Variants in WWOX observed in about 807,000 individuals in gnomAD.
WWOX encodes the protein WW domain-containing oxidoreductase.
WWOX carries 69 observed loss-of-function variants against 46.2 expected under a neutral mutation model. The ratio of observed to expected loss-of-function variants is 1.49; its 90% CI spans 1.23 to 1.82. The LOEUF (loss-of-function observed/expected upper bound fraction) is 1.82, where lower values mean the gene tolerates loss of function less well. Among genes scored for constraint, WWOX ranks in the 40% most tolerant of loss-of-function variants. The pLI is 0.00. For missense variants in WWOX, 919 were observed against 542.6 expected, an observed-to-expected ratio of 1.69 and a Z score of -6.89; for synonymous variants, 359 against 202.6, an observed-to-expected ratio of 1.77 and a Z score of -6.56.
intron 5 of WWOX, among the ~76,000 whole-genome samples, chr16:78,341,527 T>G (rs1489931344): frequency 8.3e-6 from 1 of 120,388 alleles, no homozygotes; most frequent in Non-Finnish European, 2.0e-5. Context: ...TTGGGAAAAT[T>G]TGAGCAGCAA....
At chr16:79,029,514 C>G (rs1876977) in intron 8 of WWOX, among the ~76,000 whole-genome samples, 2 of 152,044 alleles carry the variant, frequency 1.3e-5, no homozygotes, top group African/African-American at 4.8e-5. Context: ...GCAGTGAGGA[C>G]TTTGGAAATG....
At chr16:78,935,967 A>G (rs946744568) in intron 8 of WWOX, among the ~76,000 whole-genome samples, 4 of 152,132 alleles carry the variant, frequency 2.6e-5, no homozygotes, top group African/African-American at 9.7e-5. Context: ...CCAAAAAAAA[A>G]GTTGGAAGGG....
chr16:78,801,694 G>T (rs2050894347), intron 8 of WWOX, among the ~76,000 whole-genome samples: 1 of 152,062 alleles, frequency 6.6e-6, no homozygotes, highest in South Asian at 2.1e-4. Context: ...GTGAGTTGTG[G>T]ATACCTCTTC....
chr16:78,901,642 C>G (rs2044834043), intron 8 of WWOX, among the ~76,000 whole-genome samples: 1 of 152,166 alleles, frequency 6.6e-6, no homozygotes, highest in Admixed American at 6.5e-5. Context: ...CATGGGCCAC[C>G]ACGCTGGGTT....
chr16:78,429,701 C>T (rs2083173273), intron 7 of WWOX, among the ~76,000 whole-genome samples: 1 of 152,142 alleles, frequency 6.6e-6, no homozygotes, highest in Non-Finnish European at 1.5e-5. Context: ...TTGTGTGACA[C>T]CTCTTCTGTA....
chr16:78,575,915 A>G (rs972774958), intron 8 of WWOX, among the ~76,000 whole-genome samples: 8 of 152,196 alleles, frequency 5.3e-5, no homozygotes, highest in African/African-American at 1.9e-4. Context: ...TTTATATAAA[A>G]CATGCTATAT....
intron 8 of WWOX, among the ~76,000 whole-genome samples, chr16:78,884,447 C>CT (rs2044410996): frequency 6.6e-6 from 1 of 152,166 alleles, no homozygotes; most frequent in South Asian, 2.1e-4. Context: ...ACCCAGATAT[C>CT]TATCAGTGGT....
intron 8 of WWOX, among the ~76,000 whole-genome samples, chr16:78,681,628 G>T (rs2047731808): frequency 1.3e-5 from 2 of 152,108 alleles, no homozygotes; most frequent in Non-Finnish European, 2.9e-5. Context: ...ACAGACCGAG[G>T]TTTGAGAGTT....
At chr16:78,697,101 T>C (rs1345897001) in intron 8 of WWOX, among the ~76,000 whole-genome samples, 1 of 152,242 alleles carries the variant, frequency 6.6e-6, no homozygotes, top group South Asian at 2.1e-4. Flanking sequence ...TTTTTGCAAT[T>C]GTGAATTGTT....
rs538483546 is a variant in WWOX at position 78,261,004 on chromosome 16, T to G, written c.516+96715T>G. Among the ~76,000 whole-genome samples, 3 of 151,184 alleles carry G rather than the reference T, an allele frequency of 2.0e-5. No homozygotes were observed. In the South Asian group the frequency reaches 6.2e-4, roughly 31 times the overall value. On this transcript the variant is annotated intron_variant, in intron 5 of 8. Transcript: ENST00000566780. The stretch of plus-strand genomic sequence containing the variant: ...TAAATTACAAGTAATAATGAAAGTA[T>G]GAAATTTTTATTGATTCATAAATAT...
At chr16:79,036,415 CG>C (rs1483231552) in intron 8 of WWOX, among the ~76,000 whole-genome samples, 1 of 152,204 alleles carries the variant, frequency 6.6e-6, no homozygotes, top group African/African-American at 2.4e-5. Flanking sequence ...AATTATTGCC[CG>C]TTGACCTCCA....
At chr16:78,242,403 G>A (rs577426202) in intron 5 of WWOX, among the ~76,000 whole-genome samples, 22 of 152,128 alleles carry the variant, frequency 1.4e-4, no homozygotes, top group Non-Finnish European at 8.8e-5. Flanking sequence ...CAACTTCTCC[G>A]TGTGTGGGCT....
At chr16:78,481,838 C>T (rs1318634504) in intron 8 of WWOX, among the ~76,000 whole-genome samples, 1 of 150,528 alleles carries the variant, frequency 6.6e-6, no homozygotes, top group East Asian at 2.0e-4. Context: ...TAACACATAT[C>T]TATGAACCTT....
At chr16:78,216,289 C>T (rs568799549) in intron 5 of WWOX, among the ~76,000 whole-genome samples, 2 of 152,234 alleles carry the variant, frequency 1.3e-5, no homozygotes, top group East Asian at 1.9e-4. Flanking sequence ...TAAAGTAAAT[C>T]AACACTTTGA....
intron 8 of WWOX, among the ~76,000 whole-genome samples, chr16:78,668,888 C>G (rs1190685994): frequency 6.6e-6 from 1 of 152,140 alleles, no homozygotes; most frequent in Non-Finnish European, 1.5e-5. Context: ...GGCAGGTTCT[C>G]TTCATCGGGC....
chr16:78,530,037 G>A (rs2043582977), intron 8 of WWOX, among the ~76,000 whole-genome samples: 1 of 152,082 alleles, frequency 6.6e-6, no homozygotes, highest in Admixed American at 6.5e-5. Flanking sequence ...GAGGTGAACT[G>A]CACTCACTTG....
chr16:78,341,579 C>T (rs1392968051), intron 5 of WWOX, among the ~76,000 whole-genome samples: 1 of 119,460 alleles, frequency 8.4e-6, no homozygotes, highest in Admixed American at 8.2e-5. Context: ...AGCTCTGAAT[C>T]ACTATTGTCA....
intron 8 of WWOX, among the ~76,000 whole-genome samples, chr16:79,115,091 C>T (rs960909886): frequency 1.3e-5 from 2 of 152,196 alleles, no homozygotes; most frequent in African/African-American, 4.8e-5. Flanking sequence ...CCAGGTCCCT[C>T]AATGCTGCCG....
At chr16:79,108,948 G>C (rs747941407) in intron 8 of WWOX, among the ~76,000 whole-genome samples, 1 of 150,782 alleles carries the variant, frequency 6.6e-6, no homozygotes, top group Admixed American at 6.6e-5. Flanking sequence ...CCATAATCTT[G>C]TGTGAAATAC....
Sources: gnomAD v4.1 joint callset for allele counts (sites outside exome capture counted in the v4.1 genomes callset) on GRCh38, gnomAD v4.1.1 for gene constraint, MANE v1.5 for transcripts, NCBI Gene and HGNC (gene_info 2026-07-23, HGNC 2026-07-21) for gene names.